The following NAMPT variants were observed in gnomAD, a reference collection of about 807,000 sequenced individuals.
The protein encoded by NAMPT is NAmPRTase.
NAMPT carries 7 observed loss-of-function variants against 58.7 expected under a neutral mutation model. The observed-to-expected ratio is 0.12, with a 90% CI of 0.07 to 0.22. The LOEUF is 0.22. NAMPT is among the 10% of genes least tolerant of loss of function. NAMPT has a pLI of 1.00. For synonymous variants in NAMPT, 145 were observed against 198.1 expected (o/e 0.73, Z 2.25); for missense variants, 271 against 567.9 (o/e 0.48, Z 5.31).
intron 8 of NAMPT, 21 bp from the exon 9 acceptor site, chr7:106,254,525 AAAACC>A (rs1477675340): frequency 1.2e-6 from 2 of 1,610,872 alleles, no homozygotes; most frequent in East Asian, 2.2e-5. Flanking sequence ...AAAACAAAAC[AAAACC>A]AAACCAAACC....
Position 106,272,674 on chromosome 7 carries a change from G to T in NAMPT, c.319-16C>A. On this transcript the variant is annotated splice_polypyrimidine_tract_variant and intron_variant, in intron 3 of 10. Coordinates refer to ENST00000222553, the MANE Select transcript of NAMPT (RefSeq NM_005746.3). ...CATCATACTTCTGGCAGGATAAAAT[G>T]ATAAATTTATTTATTCAACAGATGA... 1.2e-6 allele frequency: 2 copies of T among 1,610,954 alleles called. No individual in the cohort carries two copies. The highest frequency in any genetic ancestry group is 1.7e-5 in the Admixed American group (1 of 59,858).
Position 106,267,857 on chromosome 7 carries a change from A to C in NAMPT, c.743+607T>G, listed in dbSNP as rs796226041. 1.6e-5 allele frequency among the ~76,000 whole-genome samples: 2 copies of C among 124,094 alleles called. 1 individual carries two copies. The highest frequency in any genetic ancestry group is 5.9e-5 in the African/African-American group (2 of 33,656). 81.4% of individuals were successfully genotyped at this position (124,094 alleles called of 152,430 possible). ...CTCCGTCTCAAAAAAAAAAAAAAAA[A>C]AAAAAAAAAAAAAAAAAAACAACCT... On this transcript the variant is annotated intron_variant, in intron 6 of 10. Transcript: ENST00000222553.
chr7:106,281,768 G>T (rs1328052814), intron 1 of NAMPT, among the ~76,000 whole-genome samples: 2 of 152,042 alleles, frequency 1.3e-5, no homozygotes, highest in Admixed American at 6.5e-5. Flanking sequence ...TGGGTTATTT[G>T]GGGAAGGAGA....
chr7:106,269,271 T>G lies in NAMPT; in HGVS notation c.489A>C (p.Thr163=), dbSNP rs749108304. 1 of 1,613,582 alleles carries G rather than the reference T, an allele frequency of 6.2e-7. No individual in the cohort carries two copies. Among genetic ancestry groups the G allele is most frequent in the East Asian group, 2.2e-5 (1 of 44,866 alleles). ...VQSWYPITVA[T]NSREQKKILA... is the part of the protein sequence containing the mutation. ...ATATTTTCTTCTGCTCTCTAGAATT[T>G]GTGGCCACTGTGATTGGATACCAGG... The change falls in exon 5 of 11, where the codon ACA becomes ACC. Residue 163 remains threonine (T), a synonymous_variant. Coordinates refer to ENST00000222553, the MANE Select transcript of NAMPT (RefSeq NM_005746.3).
intron 10 of NAMPT, among the ~76,000 whole-genome samples, chr7:106,251,950 G>GA (rs1373517224): frequency 6.6e-6 from 1 of 151,540 alleles, no homozygotes; most frequent in African/African-American, 2.4e-5. Flanking sequence ...CACCTAGTCT[G>GA]AAGATTGAGG....
intron 1 of NAMPT, 27 bp from the exon 2 acceptor site, chr7:106,277,206 G>A: frequency 6.4e-7 from 1 of 1,574,112 alleles, no homozygotes; most frequent in South Asian, 1.1e-5. Context: ...ACTTCTGTTA[G>A]AAAACACCGA....
rs1792074962 is a variant in NAMPT at position 106,249,664 on chromosome 7, G to A, written c.*1419C>T. 6.6e-6 allele frequency: 1 copy of A among 152,006 alleles called. No individual in the cohort carries two copies. Among genetic ancestry groups the A allele is most frequent in the African/African-American group, 2.4e-5 (1 of 41,406 alleles). The allele number at this position is 152,006 out of a possible 1,614,324, so 9.4% of individuals were successfully genotyped here. ...ATTTTGGGCTTTGCGATTCTCATTT[G>A]GCTTCTATTGCAGCTGTTTACCTTA... On this transcript the variant is annotated 3_prime_UTR_variant, in exon 11 of 11. Coordinates refer to ENST00000222553, the MANE Select transcript of NAMPT (RefSeq NM_005746.3).
chr7:106,269,037 T>C, intron 5 of NAMPT, 117 bp downstream of exon 5: 3 of 957,786 alleles, frequency 3.1e-6, no homozygotes. Flanking sequence ...TATCTGTTGG[T>C]TGAATCTTTG....
chr7:106,261,269 C>T (rs1387438632), intron 8 of NAMPT, among the ~76,000 whole-genome samples: 4 of 152,130 alleles, frequency 2.6e-5, no homozygotes, highest in Non-Finnish European at 5.9e-5. Context: ...AAACTCAGAC[C>T]TATGCCAGCA....
At chr7:106,262,472 TA>T (rs776838910) in intron 7 of NAMPT, among the ~76,000 whole-genome samples, 1 of 152,106 alleles carries the variant, frequency 6.6e-6, no homozygotes, top group Non-Finnish European at 1.5e-5. Context: ...TACGTAACAG[TA>T]AAAACATGAA....
intron 8 of NAMPT, among the ~76,000 whole-genome samples, chr7:106,257,770 T>C (rs898944649): frequency 2.0e-5 from 3 of 152,238 alleles, no homozygotes; most frequent in Admixed American, 1.3e-4. Flanking sequence ...CCGTTCAACT[T>C]GCCTGAACAA....
At chr7:106,283,913 T>C (rs915464801) in intron 1 of NAMPT, among the ~76,000 whole-genome samples, 1 of 152,166 alleles carries the variant, frequency 6.6e-6, no homozygotes, top group Non-Finnish European at 1.5e-5. Context: ...CAAACCACTA[T>C]GCTGCTCAAG....
At position 106,251,105 on chromosome 7, in the gene NAMPT, T is replaced by A; in HGVS notation, c.1454A>T (p.Glu485Val). 6.3e-7 allele frequency: 1 copy of A among 1,584,076 alleles called. No individual in the cohort carries two copies. Among genetic ancestry groups the A allele is most frequent in the Non-Finnish European group, 8.7e-7 (1 of 1,152,978 alleles). The change falls in exon 11 of 11, where the codon GAA becomes GTA. Residue 485 changes from glutamate (E) to valine (V), a missense_variant. Glu to Val is a moderately radical substitution (Grantham distance 121, BLOSUM62 -2). This residue lies in a region of NAMPT where 143 missense variants were observed against 331.1 expected (regional missense o/e 0.43). Transcript: ENST00000222553. ...EIRKNAQLNI[E>V]LEAAHH ...AGCCTAATGATGTGCTGCTTCCAGT[T>A]CAATATTCAGCTGTGCATTTTTTCT...
chr7:106,251,273 C>A, intron 10 of NAMPT, 80 bp from the exon 11 acceptor site: 1 of 891,442 alleles, frequency 1.1e-6, no homozygotes, highest in Non-Finnish European at 1.9e-6. Flanking sequence ...TTAGACTAAC[C>A]AACCAGTCAA....
Position 106,277,108 on chromosome 7 carries a change from C to T in NAMPT, c.129G>A (p.Lys43=), listed in dbSNP as rs1792662156. Reference sequence around the variant, plus strand: ...CCTTCCTTAATTTGGAGTTTTCTGTCTTCTTTTCACGGCATTCAAAGTAGG... The same window carrying T: ...CCTTCCTTAATTTGGAGTTTTCTGTTTTCTTTTCACGGCATTCAAAGTAGG... ...VYSYFECREK[K]TENSKLRKVK... Residue 43 remains lysine (K), a synonymous_variant, in exon 2 of 11, where the codon AAG becomes AAA. Coordinates refer to ENST00000222553, the MANE Select transcript of NAMPT (RefSeq NM_005746.3). The T allele has an allele frequency of 6.2e-7, 1 of 1,609,686 alleles. No individual in the cohort carries two copies. Among genetic ancestry groups the T allele is most frequent in the Non-Finnish European group, 8.5e-7 (1 of 1,176,204 alleles).
chr7:106,269,014 G>A, intron 5 of NAMPT, 140 bp downstream of exon 5: 1 of 725,120 alleles, frequency 1.4e-6, no homozygotes, highest in Admixed American at 2.9e-5. Context: ...CACAGTAGTA[G>A]GTACTGAATA....
In NAMPT at chr7:106,251,081, G is replaced by A. The variant is rs369468695; in HGVS notation, c.*2C>T. On this transcript the variant is annotated 3_prime_UTR_variant, in exon 11 of 11. Coordinates refer to ENST00000222553, the MANE Select transcript of NAMPT (RefSeq NM_005746.3). Reference sequence around the variant, plus strand: ...CACACAACACACACCCAGTCATAAAGCCTAATGATGTGCTGCTTCCAGTTC... The same window carrying A: ...CACACAACACACACCCAGTCATAAAACCTAATGATGTGCTGCTTCCAGTTC... 6 of 1,516,488 alleles carry A rather than the reference G, an allele frequency of 4.0e-6. No individual in the cohort carries two copies. Among genetic ancestry groups the A allele is most frequent in the Non-Finnish European group, 4.6e-6 (5 of 1,091,588 alleles). 93.9% of individuals were successfully genotyped at this position (1,516,488 alleles called of 1,614,324 possible).
At chr7:106,272,328 T>C (rs904827479) in intron 4 of NAMPT, 11 of 436,132 alleles carry the variant, frequency 2.5e-5, no homozygotes, top group South Asian at 3.2e-5. Context: ...TTAAACAAAA[T>C]CTCAGAACAT....
At chr7:106,277,440 A>AT (rs1792668703) in intron 1 of NAMPT, among the ~76,000 whole-genome samples, 2 of 152,340 alleles carry the variant, frequency 1.3e-5, no homozygotes, top group Non-Finnish European at 1.5e-5. Flanking sequence ...TTGGAAAAGT[A>AT]TTTCATTTGG....
Sources: allele counts gnomAD v4.1 joint callset (sites outside exome capture counted in the v4.1 genomes callset), GRCh38; gene constraint gnomAD v4.1.1; regional missense constraint gnomAD v4.1.1; transcripts MANE v1.5; gene names NCBI Gene and HGNC (gene_info 2026-07-23, HGNC 2026-07-21).